RAPGEF2: variants seen among roughly 807,000 people sequenced by gnomAD.
The protein encoded by RAPGEF2 is Rap guanine nucleotide exchange factor 2.
Under a neutral mutation model 186.7 loss-of-function variants are expected in RAPGEF2, and 54 were observed. That is an observed-to-expected ratio of 0.29 (90% CI 0.23 to 0.36). The LOEUF (loss-of-function observed/expected upper bound fraction) is 0.36, where lower values mean the gene tolerates loss of function less well. RAPGEF2 is among the 10% of genes least tolerant of loss of function. The probability of loss-of-function intolerance (pLI) is 1.00; values close to 1 mark genes in which losing one functional copy is unlikely to be tolerated. For synonymous variants in RAPGEF2, 712 were observed against 705.9 expected, an observed-to-expected ratio of 1.01 and a Z score of -0.14; for missense variants, 1,532 against 2,045.0, an observed-to-expected ratio of 0.75 and a Z score of 4.84.
chr4:159,168,910 A>G (rs1039272098), intron 1 of RAPGEF2, among the ~76,000 whole-genome samples: 1 of 152,230 alleles, frequency 6.6e-6, no homozygotes, highest in Non-Finnish European at 1.5e-5. Context: ...GGAAGAAAGC[A>G]TTTGTGAATT....
chr4:159,200,248 G>A (rs898171984), intron 3 of RAPGEF2, among the ~76,000 whole-genome samples: 3 of 152,010 alleles, frequency 2.0e-5, no homozygotes, highest in African/African-American at 4.8e-5. Flanking sequence ...TGGGTGGATC[G>A]CTTGAGCCCA....
At chr4:159,247,755 CTTT>C (rs56053207) in intron 7 of RAPGEF2, among the ~76,000 whole-genome samples, 9,272 of 83,546 alleles carry the variant, frequency 0.11, 267 homozygotes, top group Middle Eastern at 0.17. Flanking sequence ...TAATTTGTTT[CTTT>C]TTTTTTTTTT....
rs141306663 is a variant in RAPGEF2 at position 159,116,472 on chromosome 4, G to GT, written c.69+12242dup. On this transcript the variant is annotated intron_variant, in intron 1 of 29. Coordinates refer to ENST00000691494, the MANE Select transcript of RAPGEF2 (RefSeq NM_001394067.2). The stretch of plus-strand genomic sequence containing the variant: ...GCTGTGGAGAAATAGGAATGCATTT[G>GT]TGGAAGTATTTTGTGGAAGACGGTG... Among the ~76,000 whole-genome samples the GT allele has an allele frequency of 8.5e-3, 1,288 of 151,720 alleles. 22 individuals carry two copies. Among genetic ancestry groups the GT allele is most frequent in the African/African-American group, 0.029 (1,224 of 41,496 alleles).
At chr4:159,254,380 T>A (rs896974623) in intron 7 of RAPGEF2, among the ~76,000 whole-genome samples, 1 of 152,220 alleles carries the variant, frequency 6.6e-6, no homozygotes, top group African/African-American at 2.4e-5. Context: ...TTATGAACTC[T>A]TAAGAGTCTT....
At chr4:159,199,082 A>G (rs1322809032) in intron 3 of RAPGEF2, among the ~76,000 whole-genome samples, 2 of 150,338 alleles carry the variant, frequency 1.3e-5, no homozygotes, top group Non-Finnish European at 3.0e-5. Context: ...AAAAAAAGTG[A>G]AACCAAAGGT....
At chr4:159,312,169 A>T (rs1764022416) in intron 8 of RAPGEF2, among the ~76,000 whole-genome samples, 1 of 152,190 alleles carries the variant, frequency 6.6e-6, no homozygotes, top group Non-Finnish European at 1.5e-5. Flanking sequence ...ATGTTTTAAA[A>T]TTAAAGAAAA....
chr4:159,193,709 C>A (rs1448046346), intron 3 of RAPGEF2, among the ~76,000 whole-genome samples: 1 of 152,134 alleles, frequency 6.6e-6, no homozygotes. Flanking sequence ...TATTAATATT[C>A]TTTTCAAGAT....
At chr4:159,350,565 A>T (rs573262842) in intron 26 of RAPGEF2, among the ~76,000 whole-genome samples, 168 of 152,256 alleles carry the variant, frequency 1.1e-3, no homozygotes, top group African/African-American at 3.7e-3. Flanking sequence ...TATACAAAGA[A>T]TTTTTTATAT....
chr4:159,259,703 C>G (rs992147423), intron 7 of RAPGEF2, among the ~76,000 whole-genome samples: 1 of 151,906 alleles, frequency 6.6e-6, no homozygotes, highest in African/African-American at 2.4e-5. Flanking sequence ...TAAAATTATT[C>G]ATAGTTTTTA....
rs188791390 is a variant in RAPGEF2 at position 159,307,529 on chromosome 4, G to A, written c.675+3056G>A. ...ATATTAATTGAAATATTATGGCAGA[G>A]CCTTCATCCTCTAAACTTTGAGATT... On this transcript the variant is annotated intron_variant, in intron 8 of 29. Coordinates refer to ENST00000691494, the MANE Select transcript of RAPGEF2 (RefSeq NM_001394067.2). Among the ~76,000 whole-genome samples the A allele has an allele frequency of 1.2e-4, 18 of 152,214 alleles. No homozygotes were observed. In the East Asian group the frequency reaches 3.3e-3, roughly 28 times the overall value.
At position 159,314,403 on chromosome 4, in the gene RAPGEF2, A is replaced by G. The variant is rs571127127; in HGVS notation, c.676-188A>G. 4.6e-5 allele frequency among the ~76,000 whole-genome samples: 7 copies of G among 152,356 alleles called. No homozygotes were observed. The South Asian group carries it at 1.0e-3, about 23-fold the overall frequency. On this transcript the variant is annotated intron_variant, in intron 8 of 29. Transcript: ENST00000691494. ...GTCGTTATTCCTGACCAAAAATTTA[A>G]TAGGAGGTGGAATCACTCATATTTT...
intron 7 of RAPGEF2, among the ~76,000 whole-genome samples, chr4:159,289,032 A>G (rs147797990): frequency 6.6e-6 from 1 of 152,254 alleles, no homozygotes; most frequent in East Asian, 1.9e-4. Flanking sequence ...TTGTCTCTAC[A>G]GTACTTACTG....
intron 20 of RAPGEF2, among the ~76,000 whole-genome samples, chr4:159,342,754 G>A (rs1729736388): frequency 6.6e-6 from 1 of 151,930 alleles, no homozygotes; most frequent in Admixed American, 6.6e-5. Context: ...GTAAACAGAT[G>A]AGGTAGGTCT....
At position 159,264,898 on chromosome 4, in the gene RAPGEF2, A is replaced by G. The variant is rs892765592; in HGVS notation, c.543+21107A>G. On this transcript the variant is annotated intron_variant, in intron 7 of 29. Transcript: ENST00000691494. Reference sequence around the variant, plus strand: ...TCTTATTTCTAGCTTGATGTTTTCAAGTTTTATCCATGGTGTAGCATGTAA... The same window carrying G: ...TCTTATTTCTAGCTTGATGTTTTCAGGTTTTATCCATGGTGTAGCATGTAA... Among the ~76,000 whole-genome samples, 3 of 152,174 alleles carry G rather than the reference A, an allele frequency of 2.0e-5. No individual in the cohort carries two copies. The East Asian group carries it at 5.8e-4, about 29-fold the overall frequency.
Position 159,358,098 on chromosome 4 carries a change from C to T in RAPGEF2, c.4958-16C>T, listed in dbSNP as rs1732312197. 1.2e-6 allele frequency: 2 copies of T among 1,609,946 alleles called. No homozygotes were observed. The highest frequency in any genetic ancestry group is 1.7e-6 in the Non-Finnish European group (2 of 1,178,134). On this transcript the variant is annotated splice_polypyrimidine_tract_variant and intron_variant, in intron 29 of 29. Transcript: ENST00000691494. The stretch of plus-strand genomic sequence containing the variant: ...CTTGCTCATTGATTTCTTTTTCTTC[C>T]CTGCTGTATTTGCAGAAGATGAACA...
Position 159,353,575 on chromosome 4 carries a change from CA to C in RAPGEF2, c.4181del (p.Gln1394ArgfsTer112). On this transcript the variant is annotated frameshift_variant, in exon 28 of 30. Coordinates refer to ENST00000691494, the MANE Select transcript of RAPGEF2 (RefSeq NM_001394067.2). LOFTEE classifies it high-confidence loss of function. This position sits in a 1 kb window ranked among gnomAD's most constrained non-coding sequence, Gnocchi z 4.3. ...AAGCACAGAGGAACTTTCCCAGGAT[CA>C]GGGGGATCGCGCGTCACTTGATGCT... ...SPSTEELSQDQGDRASLDAAD... is the reference protein window; with the variant it reads ...SPSTEELSQDXGDRASLDAAD... The C allele has an allele frequency of 6.3e-7, 1 of 1,583,102 alleles. No homozygotes were observed. The highest frequency in any genetic ancestry group is 8.6e-7 in the Non-Finnish European group (1 of 1,168,072).
At chr4:159,184,069 A>G (rs1244449640) in intron 1 of RAPGEF2, among the ~76,000 whole-genome samples, 4 of 151,780 alleles carry the variant, frequency 2.6e-5, no homozygotes, top group Non-Finnish European at 2.9e-5. Flanking sequence ...AAGGACATGA[A>G]CTCATCCTTT....
chr4:159,234,760 C>A lies in RAPGEF2; in HGVS notation c.282-4049C>A, dbSNP rs114875034. Among the ~76,000 whole-genome samples, 889 of 150,010 alleles carry A rather than the reference C, an allele frequency of 5.9e-3. 9 individuals are homozygous for A. Among genetic ancestry groups the A allele is most frequent in the African/African-American group, 0.021 (848 of 40,766 alleles). On this transcript the variant is annotated intron_variant, in intron 4 of 29. Coordinates refer to ENST00000691494, the MANE Select transcript of RAPGEF2 (RefSeq NM_001394067.2). ...TATAGGCATGAGCCACTGCTCCCAG[C>A]CTATTATTATTATTTTTGAGACTGA... is the stretch of plus-strand genomic sequence containing the variant.
At chr4:159,160,626 G>C (rs772188161) in intron 1 of RAPGEF2, among the ~76,000 whole-genome samples, 1 of 151,176 alleles carries the variant, frequency 6.6e-6, no homozygotes, top group Non-Finnish European at 1.5e-5. Context: ...AGTTAGGTAT[G>C]TATCTTTAAC....
Sources: allele counts gnomAD v4.1 joint callset (sites outside exome capture counted in the v4.1 genomes callset), GRCh38; gene constraint gnomAD v4.1.1; non-coding constraint Gnocchi (gnomAD v3.1); transcripts MANE v1.5; gene names NCBI Gene and HGNC (gene_info 2026-07-23, HGNC 2026-07-21).